Variants in MAGT1 observed in about 807,000 individuals in gnomAD.
The protein encoded by MAGT1 is magnesium transporter 1.
Under a neutral mutation model 28.4 loss-of-function variants are expected in MAGT1, and 4 were observed. The observed-to-expected ratio is 0.14, with a 90% CI of 0.07 to 0.32. The LOEUF (loss-of-function observed/expected upper bound fraction) is 0.32. Ranked by LOEUF, MAGT1 falls within the 10% of genes least tolerant of loss-of-function variation. MAGT1 has a pLI of 1.00. For synonymous variants in MAGT1, 89 were observed against 89.7 expected (o/e 0.99, Z 0.04); for missense variants, 193 against 264.5 (o/e 0.73, Z 1.88).
At chrX:77,857,867 T>C (rs1402591247) in intron 3 of MAGT1, among the ~76,000 whole-genome samples, 1 of 111,960 alleles carries the variant, frequency 8.9e-6, no homozygotes, top group Non-Finnish European at 1.9e-5. Flanking sequence ...AAATAGAGTA[T>C]ATTCTCAATT....
At chrX:77,875,287 G>T in intron 2 of MAGT1, 141 bp downstream of exon 2, 1 of 550,462 alleles carries the variant, frequency 1.8e-6, no homozygotes, top group Non-Finnish European at 3.2e-6. Context: ...TAAAAGAGCA[G>T]TAGTATTGCT....
intron 9 of MAGT1, 59 bp downstream of exon 9, chrX:77,830,746 C>G (rs2076895195): frequency 1.6e-6 from 1 of 611,828 alleles, no homozygotes; most frequent in East Asian, 3.9e-5. Flanking sequence ...AAAGCAATAT[C>G]AACTCTAATC....
chrX:77,873,412 C>T (rs911664115), intron 2 of MAGT1, among the ~76,000 whole-genome samples: 3 of 111,988 alleles, frequency 2.7e-5, no homozygotes, highest in Non-Finnish European at 3.8e-5. Flanking sequence ...GTAGCTTTGT[C>T]ATTTTATTTA....
At chrX:77,874,217 A>T (rs926234482) in intron 2 of MAGT1, among the ~76,000 whole-genome samples, 17 of 106,427 alleles carry the variant, frequency 1.6e-4, no homozygotes, top group Non-Finnish European at 1.6e-4. Context: ...GCCTGGGCCC[A>T]AGTGATCCTC....
rs2077009818 is a variant in MAGT1 at position 77,866,886 on chromosome X, T to A, written c.390+3922A>T. 3.0e-5 allele frequency among the ~76,000 whole-genome samples: 2 copies of A among 65,864 alleles called. 1 individual carries two copies. The highest frequency in any genetic ancestry group is 7.1e-5 in the African/African-American group (2 of 28,328). 57.2% of individuals were successfully genotyped at this position (65,864 alleles called of 115,157 possible). The stretch of plus-strand genomic sequence containing the variant: ...CAGACTCTGCACTTGATGGATCAGC[T>A]GACACCACCCAGATCAATAAACTGG... On this transcript the variant is annotated intron_variant, in intron 3 of 9. Coordinates refer to ENST00000618282, the MANE Select transcript of MAGT1 (RefSeq NM_001367916.1).
rs1161466964 is a variant in MAGT1, at chrX:77,829,202, T to C, written c.*18A>G. ...TCAATTTCCAGTACTCCAGTGTCTA[T>C]ATATCTCTGGGACCTTTTTAACTCA... On this transcript the variant is annotated 3_prime_UTR_variant, in exon 10 of 10. Transcript: ENST00000618282. 2.5e-6 allele frequency: 3 copies of C among 1,192,298 alleles called. No individual in the cohort carries two copies. The highest frequency in any genetic ancestry group is 3.5e-5 in the African/African-American group (2 of 57,093).
intron 7 of MAGT1, among the ~76,000 whole-genome samples, chrX:77,850,462 C>T (rs1276706098): frequency 4.3e-5 from 3 of 69,996 alleles, no homozygotes; most frequent in South Asian, 8.2e-4. Flanking sequence ...GGTGACAGAG[C>T]GAGACTCCAC....
intron 1 of MAGT1, among the ~76,000 whole-genome samples, chrX:77,887,780 G>A (rs933401497): frequency 8.9e-6 from 1 of 111,982 alleles, no homozygotes; most frequent in African/African-American, 3.2e-5. Context: ...CAATTAATTC[G>A]CAAACAACTC....
At chrX:77,865,286 A>G (rs1557216788) in intron 3 of MAGT1, among the ~76,000 whole-genome samples, 2 of 109,870 alleles carry the variant, frequency 1.8e-5, no homozygotes, top group Non-Finnish European at 3.8e-5. Flanking sequence ...ATATTCTTTT[A>G]TTTATTTATT....
In MAGT1 at chrX:77,855,679, A is replaced by T. The variant is rs189506383; in HGVS notation, c.673-89T>A. 23 of 655,292 alleles carry T rather than the reference A, an allele frequency of 3.5e-5. No homozygotes were observed. The African/African-American group carries it at 5.1e-4, about 14-fold the overall frequency. 54.0% of individuals were successfully genotyped at this position (655,292 alleles called of 1,213,427 possible). On this transcript the variant is annotated intron_variant, in intron 5 of 9. Coordinates refer to ENST00000618282, the MANE Select transcript of MAGT1 (RefSeq NM_001367916.1). ...GGAATATGAAAATGTGCATCTGTTT[A>T]GTTAAGACATAGAATTTTTTGCAGA...
chrX:77,852,247 C>T (rs1287618030), intron 7 of MAGT1, among the ~76,000 whole-genome samples: 1 of 112,478 alleles, frequency 8.9e-6, no homozygotes, highest in African/African-American at 3.2e-5. Context: ...TATTGTTAAT[C>T]TTTCAGCCCA....
intron 7 of MAGT1, among the ~76,000 whole-genome samples, chrX:77,843,668 T>C (rs2076941905): frequency 8.9e-6 from 1 of 111,867 alleles, no homozygotes; most frequent in Non-Finnish European, 1.9e-5. Flanking sequence ...GTGCAAAGAT[T>C]GATCATTTCG....
chrX:77,856,859 T>C lies in MAGT1; in HGVS notation c.546A>G (p.Arg182=). The C allele has an allele frequency of 8.3e-7, 1 of 1,204,625 alleles. No homozygotes were observed. The highest frequency in any genetic ancestry group is 1.8e-5 in the South Asian group (1 of 56,191). Residue 182 remains arginine (R), a synonymous_variant, in exon 5 of 10, where the codon AGA becomes AGG. Transcript: ENST00000618282. ...TAAGGGGACCAGCATAATTTGGGGG[T>C]CTAATCACTCTAATCTAATGGAAAG... The part of the protein sequence containing the change: ...DRTDVNIRVI[R]PPNYAGPLML...
intron 1 of MAGT1, among the ~76,000 whole-genome samples, chrX:77,880,216 T>C (rs1473880989): frequency 9.1e-6 from 1 of 109,356 alleles, no homozygotes; most frequent in Admixed American, 9.9e-5. Flanking sequence ...CTATGAATGA[T>C]GGAAAAAAGC....
chrX:77,843,351 C>T (rs1175520228), intron 7 of MAGT1, among the ~76,000 whole-genome samples: 1 of 111,806 alleles, frequency 8.9e-6, no homozygotes, highest in African/African-American at 3.2e-5. Flanking sequence ...ATCCTCCTGC[C>T]TCAGCCTCCT....
At chrX:77,890,147 T>TG (rs2077078487) in intron 1 of MAGT1, among the ~76,000 whole-genome samples, 1 of 112,701 alleles carries the variant, frequency 8.9e-6, no homozygotes, top group Non-Finnish European at 1.9e-5. Context: ...TCCCAAAACT[T>TG]ATTCGTGTCT....
chrX:77,892,157 A>G (rs920171055), intron 1 of MAGT1, among the ~76,000 whole-genome samples: 1 of 111,544 alleles, frequency 9.0e-6, no homozygotes, highest in Non-Finnish European at 1.9e-5. Context: ...GGCCTCCCAA[A>G]GTGCTGGGAT....
chrX:77,849,880 C>CA (rs1378541137), intron 7 of MAGT1, among the ~76,000 whole-genome samples: 2 of 38,984 alleles, frequency 5.1e-5, no homozygotes, highest in African/African-American at 2.0e-4. Context: ...ATCTCAAAAA[C>CA]AAAAAACAAA....
intron 1 of MAGT1, among the ~76,000 whole-genome samples, chrX:77,888,969 A>ATAT (rs781911390): frequency 1.0e-3 from 108 of 107,927 alleles, no homozygotes; most frequent in Admixed American, 4.4e-3. Context: ...CAACTACATT[A>ATAT]TATTATTATT....
Sources: allele counts gnomAD v4.1 joint callset (sites outside exome capture counted in the v4.1 genomes callset), GRCh38; gene constraint gnomAD v4.1.1; transcripts MANE v1.5; gene names NCBI Gene and HGNC (gene_info 2026-07-23, HGNC 2026-07-21).